SCAI: variants seen among roughly 807,000 people sequenced by gnomAD.
The protein encoded by SCAI is suppressor of cancer cell invasion.
In SCAI, 24 loss-of-function variants were observed where a neutral mutation model predicts 92.2. The observed-to-expected ratio is 0.26, with a 90% CI of 0.19 to 0.37. The LOEUF (loss-of-function observed/expected upper bound fraction) is 0.37. SCAI is among the 10% of genes least tolerant of loss of function. The probability of loss-of-function intolerance (pLI) is 1.00; values close to 1 mark genes in which losing one functional copy is unlikely to be tolerated. For missense variants in SCAI, 450 were observed against 736.2 expected (o/e 0.61, Z 4.50); for synonymous variants, 261 against 258.6 (o/e 1.01, Z -0.09).
chr9:125,011,427 G>GTAT (rs1200527412), intron 9 of SCAI, among the ~76,000 whole-genome samples: 1 of 152,210 alleles, frequency 6.6e-6, no homozygotes, highest in African/African-American at 2.4e-5. Flanking sequence ...GGAAGAAAGG[G>GTAT]TATCAGTGAT....
intron 3 of SCAI, among the ~76,000 whole-genome samples, chr9:125,042,664 C>CACACACACACACACACACACACAT (rs139156398): frequency 2.3e-5 from 3 of 129,824 alleles, no homozygotes; most frequent in African/African-American, 8.4e-5. Context: ...CACACACACA[C>CACACACACACACACACACACACAT]ACATATACAA....
At chr9:125,122,497 G>T (rs1212105681) in intron 2 of SCAI, among the ~76,000 whole-genome samples, 1 of 147,412 alleles carries the variant, frequency 6.8e-6, no homozygotes, top group African/African-American at 2.5e-5. Flanking sequence ...GCTGAGGCAG[G>T]AGAATCACTT....
In SCAI at chr9:124,946,630, C is replaced by T. The variant is rs1831148349; in HGVS notation, c.*6177G>A. 1 of 152,162 alleles carries T rather than the reference C, an allele frequency of 6.6e-6. No homozygotes were observed. Among genetic ancestry groups the T allele is most frequent in the African/African-American group, 2.4e-5 (1 of 41,432 alleles). The allele number at this position is 152,162 out of a possible 1,614,324, so 9.4% of individuals were successfully genotyped here. ...GTAACCAAACATTGATACTTGGCAA[C>T]ATTCTATAGGTTCACAAATTGGCAT... On this transcript the variant is annotated 3_prime_UTR_variant, in exon 18 of 18. Transcript: ENST00000336505. This position sits in a 1 kb window ranked among gnomAD's most constrained non-coding sequence, Gnocchi z 4.0.
At chr9:125,136,740 T>C (rs988814165) in intron 2 of SCAI, among the ~76,000 whole-genome samples, 1 of 151,148 alleles carries the variant, frequency 6.6e-6, no homozygotes, top group Non-Finnish European at 1.5e-5. Context: ...ATTACAGGTG[T>C]GAGCCAGCAT....
At chr9:125,073,930 G>A (rs1256560347) in intron 2 of SCAI, among the ~76,000 whole-genome samples, 1 of 151,036 alleles carries the variant, frequency 6.6e-6, no homozygotes, top group African/African-American at 2.4e-5. Context: ...ATTTCCCTAA[G>A]CACTCTCGTT....
At chr9:125,051,507 A>C (rs1833560394) in intron 3 of SCAI, among the ~76,000 whole-genome samples, 1 of 152,240 alleles carries the variant, frequency 6.6e-6, no homozygotes, top group Admixed American at 6.5e-5. Flanking sequence ...TTTATATTTC[A>C]AAATAGCTCA....
In SCAI at chr9:125,059,886, A is replaced by C. The variant is rs115645711; in HGVS notation, c.99-3879T>G. Among the ~76,000 whole-genome samples, 983 of 152,266 alleles carry C rather than the reference A, an allele frequency of 6.5e-3. 12 individuals carry two copies. Among genetic ancestry groups the C allele is most frequent in the African/African-American group, 0.022 (920 of 41,558 alleles). On this transcript the variant is annotated intron_variant, in intron 2 of 17. Coordinates refer to ENST00000336505, the MANE Select transcript of SCAI (RefSeq NM_001144877.3). ...AAGCCTCTGAACAAATCCTACTCTT[A>C]TACAGCATCATGATTTACACGCTAT...
At chr9:125,142,565 G>A in intron 2 of SCAI, 68 bp downstream of exon 2, 1 of 1,097,524 alleles carries the variant, frequency 9.1e-7, no homozygotes, top group South Asian at 1.3e-5. Context: ...ATACAATTAT[G>A]CAGTACGGCA....
intron 2 of SCAI, among the ~76,000 whole-genome samples, chr9:125,087,537 C>G (rs1458849420): frequency 6.6e-6 from 1 of 152,180 alleles, no homozygotes; most frequent in East Asian, 1.9e-4. Flanking sequence ...GTAAAACAGA[C>G]ACAGTAGAAA....
intron 2 of SCAI, among the ~76,000 whole-genome samples, chr9:125,136,450 ACCTTT>A (rs1328012660): frequency 7.5e-6 from 1 of 133,876 alleles, no homozygotes; most frequent in Non-Finnish European, 1.6e-5. Context: ...TGATACTAAT[ACCTTT>A]CTTTTTTTTT....
Position 125,020,760 on chromosome 9 carries a change from C to G in SCAI, c.522G>C (p.Leu174Phe). The G allele has an allele frequency of 7.0e-7, 1 of 1,429,542 alleles. No homozygotes were observed. Among genetic ancestry groups the G allele is most frequent in the East Asian group, 2.4e-5 (1 of 41,922 alleles). The allele number at this position is 1,429,542 out of a possible 1,614,324, so 88.6% of individuals were successfully genotyped here. A position where few individuals can be genotyped will look rare whatever the true frequency, so the allele number is the denominator to read the frequency against. The change falls in exon 7 of 18, where the codon TTG becomes TTC. Residue 174 changes from leucine (L) to phenylalanine (F), a missense_variant. Leu to Phe is a conservative substitution (Grantham distance 22). Transcript: ENST00000336505. The part of the protein sequence containing the change: ...SQVNKEDRPE[L>F]VVKKLRYYAR... ...CATAATATCGTAACTTCTTAACTACCAATTCAGGTCTATGGAAGATAAATG... is the reference window on the plus strand; with the variant it reads ...CATAATATCGTAACTTCTTAACTACGAATTCAGGTCTATGGAAGATAAATG...
At chr9:125,111,502 TG>T (rs1248139878) in intron 2 of SCAI, among the ~76,000 whole-genome samples, 6 of 152,044 alleles carry the variant, frequency 3.9e-5, no homozygotes, top group Non-Finnish European at 7.4e-5. Context: ...GCTTTGAATG[TG>T]GCCCAACACA....
At chr9:125,136,007 G>A (rs1206386417) in intron 2 of SCAI, among the ~76,000 whole-genome samples, 1 of 148,182 alleles carries the variant, frequency 6.7e-6, no homozygotes, top group Non-Finnish European at 1.5e-5. Flanking sequence ...CCATAATTCT[G>A]TCAACTGTTT....
At chr9:125,121,744 T>C (rs1371615799) in intron 2 of SCAI, among the ~76,000 whole-genome samples, 2 of 152,024 alleles carry the variant, frequency 1.3e-5, no homozygotes, top group Non-Finnish European at 2.9e-5. Context: ...TCCCAGCCAC[T>C]TGGGAGGCTG....
chr9:125,077,964 AC>A (rs11458422), intron 2 of SCAI, among the ~76,000 whole-genome samples: 1 of 147,836 alleles, frequency 6.8e-6, no homozygotes, highest in Non-Finnish European at 1.5e-5. Flanking sequence ...AGTGATCCAC[AC>A]CCCCCCCGCC....
chr9:125,037,392 T>C (rs942365036), intron 3 of SCAI, among the ~76,000 whole-genome samples: 3 of 146,692 alleles, frequency 2.0e-5, no homozygotes, highest in Non-Finnish European at 4.5e-5. Flanking sequence ...CTGGGCAATG[T>C]AGTAAGACTC....
At chr9:125,107,955 C>A (rs1485644466) in intron 2 of SCAI, among the ~76,000 whole-genome samples, 1 of 152,200 alleles carries the variant, frequency 6.6e-6, no homozygotes, top group African/African-American at 2.4e-5. Flanking sequence ...TCTCAGCCTG[C>A]CGAACCCCTG....
intron 2 of SCAI, among the ~76,000 whole-genome samples, chr9:125,109,800 C>T (rs1834896229): frequency 6.6e-6 from 1 of 152,166 alleles, no homozygotes; most frequent in South Asian, 2.1e-4. Context: ...AATTCTCTTG[C>T]CTCAGCCTCC....
rs1159258473 is a variant in SCAI at position 124,970,144 on chromosome 9, G to A, written c.1674+1226C>T. 2.6e-5 allele frequency among the ~76,000 whole-genome samples: 4 copies of A among 152,048 alleles called. No homozygotes were observed. In the South Asian group the frequency reaches 8.3e-4, roughly 32 times the overall value. On this transcript the variant is annotated intron_variant, in intron 17 of 17. Transcript: ENST00000336505. Reference sequence around the variant, plus strand: ...TGGGATTACAGGTGTGAGCCACTGCGCCTGGCCAGTATCATTTATATAATA... The same window carrying A: ...TGGGATTACAGGTGTGAGCCACTGCACCTGGCCAGTATCATTTATATAATA...
Sources: gnomAD v4.1 joint callset for allele counts (sites outside exome capture counted in the v4.1 genomes callset) on GRCh38, gnomAD v4.1.1 for gene constraint, Gnocchi (gnomAD v3.1) non-coding constraint, MANE v1.5 for transcripts, NCBI Gene and HGNC (gene_info 2026-07-23, HGNC 2026-07-21) for gene names.